Variants in SDCCAG8 observed in about 807,000 individuals in gnomAD.
SDCCAG8 encodes the protein SHH signaling and ciliogenesis regulator SDCCAG8.
A neutral mutation model predicts 101.8 loss-of-function variants in SDCCAG8; 74 were observed. The ratio of observed to expected loss-of-function variants is 0.73; its 90% CI spans 0.60 to 0.88. The LOEUF is 0.88. SDCCAG8 is among the 40% of genes least tolerant of loss of function. The pLI is 0.00. For missense variants in SDCCAG8, 787 were observed against 822.6 expected (o/e 0.96, Z 0.53); for synonymous variants, 281 against 292.9 (o/e 0.96, Z 0.41).
At chr1:243,356,425 G>GGC (rs1553324174) in intron 12 of SDCCAG8, among the ~76,000 whole-genome samples, 1 of 150,258 alleles carries the variant, frequency 6.7e-6, no homozygotes, top group African/African-American at 2.5e-5. Flanking sequence ...AGTGGCGGGG[G>GGC]GGTGGTGGGG....
chr1:243,475,150 C>G (rs914127156), intron 16 of SDCCAG8, among the ~76,000 whole-genome samples: 2 of 152,120 alleles, frequency 1.3e-5, no homozygotes, highest in Non-Finnish European at 2.9e-5. Flanking sequence ...GGCCCTGAGC[C>G]CTGTCCTACA....
At chr1:243,482,584 A>G (rs1663961907) in intron 16 of SDCCAG8, among the ~76,000 whole-genome samples, 1 of 152,194 alleles carries the variant, frequency 6.6e-6, no homozygotes, top group Non-Finnish European at 1.5e-5. Context: ...CCTGAAGGAC[A>G]TGGACCCTGT....
chr1:243,427,582 G>C (rs1299036852), intron 16 of SDCCAG8, among the ~76,000 whole-genome samples: 1 of 152,118 alleles, frequency 6.6e-6, no homozygotes, highest in Non-Finnish European at 1.5e-5. Context: ...AGCCATCCAT[G>C]CCTTCTCTGT....
intron 13 of SDCCAG8, among the ~76,000 whole-genome samples, chr1:243,399,863 C>T (rs747524808): frequency 9.2e-5 from 14 of 152,188 alleles, no homozygotes; most frequent in African/African-American, 3.1e-4. Flanking sequence ...CCCGCATAAA[C>T]GCTGCTTACC....
chr1:243,384,314 C>G (rs2078139458), intron 13 of SDCCAG8, among the ~76,000 whole-genome samples: 1 of 152,068 alleles, frequency 6.6e-6, no homozygotes, highest in East Asian at 1.9e-4. Context: ...ACTATTCTTT[C>G]AAGCTCAGTA....
In SDCCAG8 at chr1:243,489,065, G is replaced by A; in HGVS notation, c.2037G>A (p.Gln679=). Residue 679 remains glutamine, a synonymous_variant, in exon 17 of 18, where the codon CAG becomes CAA. Transcript: ENST00000366541. The part of the protein sequence containing the change: ...HSQATAQQLV[Q]LLSKQNQLLL... ...AGGCCACAGCCCAGCAGCTGGTGCAGCTCCTCAGCAAGCAGAACCAGCTTC... is the reference window on the plus strand; with the variant it reads ...AGGCCACAGCCCAGCAGCTGGTGCAACTCCTCAGCAAGCAGAACCAGCTTC... 1 of 1,613,442 alleles carries A rather than the reference G, an allele frequency of 6.2e-7. No homozygotes were observed. Among genetic ancestry groups the A allele is most frequent in the Non-Finnish European group, 8.5e-7 (1 of 1,180,016 alleles).
Position 243,499,841 on chromosome 1 carries a change from G to C in SDCCAG8, c.*56G>C. 3 of 1,553,068 alleles carry C rather than the reference G, an allele frequency of 1.9e-6. No individual in the cohort carries two copies. The highest frequency in any genetic ancestry group is 2.2e-5 in the East Asian group (1 of 44,470). On this transcript the variant is annotated 3_prime_UTR_variant, in exon 18 of 18. Transcript: ENST00000366541. The stretch of plus-strand genomic sequence containing the variant: ...TACAAAGAGATATTTACATTCATCT[G>C]GTTTAGACTTAATATGCCACAACGC...
rs371251483 is a variant in SDCCAG8 at position 243,308,163 on chromosome 1, C to T, written c.915C>T (p.Ile305=). ...ATACTAATGTTCATATGCAGACCAT[C>T]GAAAGACTGGTTAAGTAAGTATGCT... ...QTHTNVHMQT[I]ERLVKERDDL... Residue 305 remains isoleucine (I), a synonymous_variant, in exon 8 of 18, where the codon ATC becomes ATT. Transcript: ENST00000366541. 59 of 1,614,024 alleles carry T rather than the reference C, an allele frequency of 3.7e-5. No individual in the cohort carries two copies. The highest frequency in any genetic ancestry group is 2.1e-4 in the African/African-American group (16 of 74,944).
rs565082578 is a variant in SDCCAG8 at position 243,412,509 on chromosome 1, G to C, written c.1617-3193G>C. 2.6e-5 allele frequency among the ~76,000 whole-genome samples: 4 copies of C among 152,254 alleles called. No individual in the cohort carries two copies. The South Asian group carries it at 8.3e-4, about 32-fold the overall frequency. On this transcript the variant is annotated intron_variant, in intron 13 of 17. Transcript: ENST00000366541. ...GCTGTCCAACTGGCGGCCCAGGACA[G>C]CTTTGAATGCAGCCCGATACAAACT...
intron 9 of SDCCAG8, 68 bp from the exon 10 acceptor site, chr1:243,330,472 A>C: frequency 1.1e-5 from 17 of 1,520,636 alleles, no homozygotes; most frequent in Non-Finnish European, 1.5e-5. Context: ...TTAAAGCTTA[A>C]TTATGTCATT....
chr1:243,486,817 T>C (rs112441745), intron 16 of SDCCAG8, among the ~76,000 whole-genome samples: 4 of 152,336 alleles, frequency 2.6e-5, no homozygotes, highest in Non-Finnish European at 5.9e-5. Flanking sequence ...CATGCAGCCA[T>C]GTCATGGTGT....
intron 8 of SDCCAG8, among the ~76,000 whole-genome samples, chr1:243,314,832 C>T (rs1398205299): frequency 6.6e-6 from 1 of 152,178 alleles, no homozygotes; most frequent in Admixed American, 6.5e-5. Flanking sequence ...GCCTCAGCCT[C>T]CCAAGTAGCT....
intron 13 of SDCCAG8, among the ~76,000 whole-genome samples, chr1:243,405,412 T>C (rs953406284): frequency 6.6e-6 from 1 of 152,212 alleles, no homozygotes; most frequent in African/African-American, 2.4e-5. Context: ...ACCAGTATGC[T>C]TTTGGTTCTT....
At chr1:243,436,467 G>T (rs2082142484) in intron 16 of SDCCAG8, among the ~76,000 whole-genome samples, 1 of 151,986 alleles carries the variant, frequency 6.6e-6, no homozygotes. Context: ...ATATCTAGTT[G>T]TTTTAGCACT....
At chr1:243,322,536 C>G (rs1319177573) in intron 9 of SDCCAG8, among the ~76,000 whole-genome samples, 1 of 152,210 alleles carries the variant, frequency 6.6e-6, no homozygotes, top group Non-Finnish European at 1.5e-5. Flanking sequence ...GTTAATCAGT[C>G]TGCACTAGTC....
At chr1:243,314,861 T>A (rs1372726719) in intron 8 of SDCCAG8, among the ~76,000 whole-genome samples, 1 of 152,154 alleles carries the variant, frequency 6.6e-6, no homozygotes, top group Non-Finnish European at 1.5e-5. Context: ...AGGTGCGCAC[T>A]ACCACACCCA....
At chr1:243,354,793 A>G (rs901559743) in intron 12 of SDCCAG8, among the ~76,000 whole-genome samples, 4 of 152,264 alleles carry the variant, frequency 2.6e-5, no homozygotes, top group Non-Finnish European at 4.4e-5. Flanking sequence ...GACCTAGAAT[A>G]TGATCATCTT....
intron 6 of SDCCAG8, among the ~76,000 whole-genome samples, chr1:243,296,051 A>C (rs750974544): frequency 2.9e-4 from 44 of 152,020 alleles, no homozygotes; most frequent in Non-Finnish European, 6.2e-4. Context: ...GGTGGAGTGC[A>C]GTGGCGCAAT....
intron 12 of SDCCAG8, among the ~76,000 whole-genome samples, chr1:243,355,877 T>A (rs1253175248): frequency 6.6e-6 from 1 of 152,200 alleles, no homozygotes; most frequent in Non-Finnish European, 1.5e-5. Context: ...TCCCAAGTGC[T>A]GGGACTACAG....
Sources: gnomAD v4.1 joint callset for allele counts (sites outside exome capture counted in the v4.1 genomes callset) on GRCh38, gnomAD v4.1.1 for gene constraint, MANE v1.5 for transcripts, NCBI Gene and HGNC (gene_info 2026-07-23, HGNC 2026-07-21) for gene names.